Variants in RBFOX1 observed in about 807,000 individuals in gnomAD.
The protein encoded by RBFOX1 is RNA binding protein fox-1 homolog 1.
A neutral mutation model predicts 57.7 loss-of-function variants in RBFOX1; 8 were observed. That is an observed-to-expected ratio of 0.14 (90% CI 0.08 to 0.25). The LOEUF (loss-of-function observed/expected upper bound fraction) is 0.25. Among genes scored for constraint, RBFOX1 ranks in the 10% least tolerant of loss-of-function variants. The probability of loss-of-function intolerance (pLI) is 1.00; values close to 1 mark genes in which losing one functional copy is unlikely to be tolerated. For synonymous variants in RBFOX1, 326 were observed against 222.4 expected (o/e 1.47, Z -4.15); for missense variants, 611 against 548.5 (o/e 1.11, Z -1.14).
intron 3 of RBFOX1, among the ~76,000 whole-genome samples, chr16:6,740,372 T>A (rs1196303856): frequency 6.6e-6 from 1 of 152,060 alleles, no homozygotes; most frequent in Non-Finnish European, 1.5e-5. Flanking sequence ...CTATTCAACA[T>A]AGTAGGGAAT....
intron 3 of RBFOX1, among the ~76,000 whole-genome samples, chr16:6,855,749 G>T (rs576941895): frequency 2.6e-5 from 4 of 151,548 alleles, no homozygotes; most frequent in South Asian, 2.1e-4. Flanking sequence ...ATTTAATTGC[G>T]CAGCCCTTGG....
At chr16:6,489,806 A>G (rs62016831) in intron 2 of RBFOX1, among the ~76,000 whole-genome samples, 28,849 of 152,054 alleles carry the variant, frequency 0.19, 2,755 homozygotes, top group Middle Eastern at 0.26. Flanking sequence ...CTCTACCATG[A>G]CCACCTCCAA....
rs115292512 is a variant in RBFOX1, at chr16:5,569,156, G to A, written c.259-29746G>A. On this transcript the variant is annotated intron_variant, in intron 2 of 2. Transcript: ENST00000585867. ...TGAGCCACCATGCCCGGCTGACATT[G>A]GTTCTGTATGTGTCTTCACGTGGGG... Among the ~76,000 whole-genome samples, 159 of 152,062 alleles carry A rather than the reference G, an allele frequency of 1.0e-3. 1 individual carries two copies. Among genetic ancestry groups the A allele is most frequent in the African/African-American group, 3.4e-3 (143 of 41,534 alleles).
chr16:6,220,122 T>A (rs1244934219), intron 1 of RBFOX1, among the ~76,000 whole-genome samples: 1 of 152,138 alleles, frequency 6.6e-6, no homozygotes, highest in Non-Finnish European at 1.5e-5. Context: ...TTATCATTTA[T>A]CTGTATATCA....
chr16:6,517,601 C>G (rs1258360295), intron 2 of RBFOX1, among the ~76,000 whole-genome samples: 1 of 152,080 alleles, frequency 6.6e-6, no homozygotes, highest in Non-Finnish European at 1.5e-5. Flanking sequence ...TCAGAGAGTG[C>G]TTTGCCTGGG....
intron 3 of RBFOX1, among the ~76,000 whole-genome samples, chr16:5,844,849 A>C (rs2056713130): frequency 6.6e-6 from 1 of 152,154 alleles, no homozygotes; most frequent in Non-Finnish European, 1.5e-5. Context: ...GATCCTAGTA[A>C]TTAGGGCCTT....
chr16:6,254,692 C>T (rs1038917737), intron 1 of RBFOX1, among the ~76,000 whole-genome samples: 1 of 152,124 alleles, frequency 6.6e-6, no homozygotes. Context: ...AATGTTAAAA[C>T]TGAACATTTT....
chr16:6,182,892 T>G (rs1479886552), intron 1 of RBFOX1, among the ~76,000 whole-genome samples: 4 of 152,214 alleles, frequency 2.6e-5, no homozygotes, highest in South Asian at 2.1e-4. Flanking sequence ...AACCTGTTAA[T>G]GTACTTTTAT....
At chr16:7,185,817 T>G (rs1267927850) in intron 4 of RBFOX1, among the ~76,000 whole-genome samples, 3 of 152,184 alleles carry the variant, frequency 2.0e-5, no homozygotes, top group African/African-American at 7.2e-5. Context: ...AGTCAGACTC[T>G]CAGGTACTTG....
At chr16:7,393,686 A>C (rs61655438) in intron 4 of RBFOX1, among the ~76,000 whole-genome samples, 1 of 151,986 alleles carries the variant, frequency 6.6e-6, no homozygotes, top group Admixed American at 6.6e-5. Context: ...GCCAAGGATT[A>C]TTTCACTGAG....
intron 3 of RBFOX1, among the ~76,000 whole-genome samples, chr16:6,923,409 T>G (rs190163865): frequency 2.6e-3 from 402 of 152,216 alleles, no homozygotes; most frequent in African/African-American, 8.9e-3. Context: ...GGGGAACACT[T>G]GTAATTCCAG....
At chr16:6,426,008 C>A (rs2093915349) in intron 2 of RBFOX1, among the ~76,000 whole-genome samples, 1 of 152,038 alleles carries the variant, frequency 6.6e-6, no homozygotes, top group Non-Finnish European at 1.5e-5. Context: ...TTTAATGTTA[C>A]TGAATTGTAG....
chr16:7,665,710 C>T (rs1330822329), intron 13 of RBFOX1, among the ~76,000 whole-genome samples: 1 of 152,108 alleles, frequency 6.6e-6, no homozygotes, highest in Non-Finnish European at 1.5e-5. Context: ...GGAGTAAACA[C>T]AATTTTGAAT....
At chr16:5,864,805 G>A (rs562692942) in intron 3 of RBFOX1, among the ~76,000 whole-genome samples, 7 of 152,214 alleles carry the variant, frequency 4.6e-5, no homozygotes, top group South Asian at 4.1e-4. Flanking sequence ...AAACTGAAAC[G>A]CAAATGGCTT....
intron 1 of RBFOX1, among the ~76,000 whole-genome samples, chr16:6,242,942 A>G (rs2097547862): frequency 6.6e-6 from 1 of 152,188 alleles, no homozygotes; most frequent in Non-Finnish European, 1.5e-5. Context: ...GTTTGGAAAT[A>G]TTGAAGAAAT....
At chr16:6,489,517 C>G (rs1294741329) in intron 2 of RBFOX1, among the ~76,000 whole-genome samples, 1 of 152,104 alleles carries the variant, frequency 6.6e-6, no homozygotes, top group Non-Finnish European at 1.5e-5. Context: ...AGTGGCAGAG[C>G]TGGGGTTTAA....
intron 3 of RBFOX1, among the ~76,000 whole-genome samples, chr16:6,840,897 A>AAAAAAAAAAAAAAAG (rs751671784): frequency 7.3e-6 from 1 of 137,498 alleles, no homozygotes; most frequent in Non-Finnish European, 1.5e-5. Context: ...CAAAAAAAAA[A>AAAAAAAAAAAAAAAG]AAAAAAACGA....
chr16:7,321,517 A>G lies in RBFOX1; in HGVS notation c.28-196630A>G, dbSNP rs577120088. Among the ~76,000 whole-genome samples, 46 of 152,316 alleles carry G rather than the reference A, an allele frequency of 3.0e-4. 1 individual carries two copies. The South Asian group carries it at 8.7e-3, about 29-fold the overall frequency. ...AAGGCAGCATAACATGGGATTATGT[A>G]TGGGGCCAGATTTACCCTTCACAAG... On this transcript the variant is annotated intron_variant, in intron 4 of 15. Coordinates refer to ENST00000550418, the MANE Select transcript of RBFOX1 (RefSeq NM_018723.4).
intron 2 of RBFOX1, among the ~76,000 whole-genome samples, chr16:6,528,107 C>G (rs901787746): frequency 7.2e-5 from 11 of 152,166 alleles, no homozygotes; most frequent in Non-Finnish European, 1.0e-4. Context: ...TTTCCTGATT[C>G]ACCCAACTGG....
Sources: allele counts gnomAD v4.1 joint callset (sites outside exome capture counted in the v4.1 genomes callset), GRCh38; gene constraint gnomAD v4.1.1; transcripts MANE v1.5; gene names NCBI Gene and HGNC (gene_info 2026-07-23, HGNC 2026-07-21).